The following DIAPH2 variants were observed in gnomAD, a reference collection of about 807,000 sequenced individuals.
DIAPH2 encodes the protein protein diaphanous homolog 2.
DIAPH2 carries 35 observed loss-of-function variants against 92.7 expected under a neutral mutation model. The observed-to-expected ratio is 0.38, with a 90% CI of 0.29 to 0.50. The LOEUF (loss-of-function observed/expected upper bound fraction) is 0.50. Among genes scored for constraint, DIAPH2 ranks in the 20% least tolerant of loss-of-function variants. The pLI is 0.94. For synonymous variants in DIAPH2, 301 were observed against 280.4 expected (o/e 1.07, Z -0.73); for missense variants, 701 against 819.5 (o/e 0.86, Z 1.77).
intron 17 of DIAPH2, among the ~76,000 whole-genome samples, chrX:97,023,972 AT>A (rs1423882537): frequency 4.5e-5 from 5 of 112,122 alleles, no homozygotes; most frequent in Non-Finnish European, 9.4e-5. Flanking sequence ...ATCAACAGGC[AT>A]TCAAAAATAT....
intron 22 of DIAPH2, among the ~76,000 whole-genome samples, chrX:97,160,739 TA>T (rs2147438700): frequency 8.9e-6 from 1 of 111,932 alleles, no homozygotes; most frequent in South Asian, 3.7e-4. Flanking sequence ...TAGCCATTTT[TA>T]GGTATGCTAG....
chrX:97,555,659 A>G (rs2071252112), intron 26 of DIAPH2, among the ~76,000 whole-genome samples: 1 of 112,040 alleles, frequency 8.9e-6, no homozygotes. Flanking sequence ...GAACTTTTAA[A>G]TGAAAAGAAT....
At chrX:97,132,647 A>G (rs2067145552) in intron 21 of DIAPH2, among the ~76,000 whole-genome samples, 1 of 111,670 alleles carries the variant, frequency 9.0e-6, no homozygotes, top group African/African-American at 3.3e-5. Flanking sequence ...TGTGCACTGG[A>G]GCATTCATGA....
intron 23 of DIAPH2, among the ~76,000 whole-genome samples, chrX:97,334,371 G>C (rs1213101502): frequency 4.5e-3 from 394 of 88,337 alleles, no homozygotes; most frequent in Middle Eastern, 5.4e-3. Context: ...GCTGAGGCAG[G>C]AGAATGGCGT....
intron 17 of DIAPH2, among the ~76,000 whole-genome samples, chrX:96,979,664 C>T (rs1410667597): frequency 8.9e-6 from 1 of 112,210 alleles, no homozygotes; most frequent in African/African-American, 3.2e-5. Context: ...CTATTGTTTT[C>T]TCGCATGTAC....
intron 17 of DIAPH2, among the ~76,000 whole-genome samples, chrX:97,071,919 A>G (rs1478855193): frequency 1.8e-5 from 2 of 112,119 alleles, no homozygotes; most frequent in Non-Finnish European, 3.8e-5. Context: ...ATGGTCATAT[A>G]TGAACCAGTG....
chrX:97,483,085 AG>A lies in DIAPH2; in HGVS notation c.3241+53341del, dbSNP rs778325935. ...TGGTGGAAATAATCTGATTTTTAAC[AG>A]ACTCTGTCCTTTGGGAGTACCTTTT... On this transcript the variant is annotated intron_variant, in intron 26 of 26. Transcript: ENST00000324765. Among the ~76,000 whole-genome samples, 3 of 111,510 alleles carry A rather than the reference AG, an allele frequency of 2.7e-5. No homozygotes were observed. In the East Asian group the frequency reaches 8.4e-4, roughly 31 times the overall value.
At chrX:97,248,949 G>A (rs897253853) in intron 23 of DIAPH2, among the ~76,000 whole-genome samples, 2 of 111,513 alleles carry the variant, frequency 1.8e-5, no homozygotes, top group Non-Finnish European at 3.8e-5. Flanking sequence ...ACAAATATTG[G>A]CAAAATAAGT....
intron 17 of DIAPH2, among the ~76,000 whole-genome samples, chrX:97,063,364 C>T (rs927965134): frequency 1.8e-5 from 2 of 112,021 alleles, no homozygotes; most frequent in African/African-American, 3.2e-5. Context: ...TTTTACAGAA[C>T]TTGCTCTTCA....
intron 24 of DIAPH2, among the ~76,000 whole-genome samples, chrX:97,380,984 A>G (rs900080936): frequency 8.9e-6 from 1 of 111,802 alleles, no homozygotes; most frequent in Non-Finnish European, 1.9e-5. Context: ...TTTCAGATAT[A>G]AACTGATAGA....
chrX:97,084,340 G>A (rs1483270184), intron 19 of DIAPH2, among the ~76,000 whole-genome samples: 1 of 111,630 alleles, frequency 9.0e-6, no homozygotes, highest in Admixed American at 9.5e-5. Flanking sequence ...GCACATTGCT[G>A]GTTACATGAT....
chrX:96,930,192 A>T (rs1051983678), intron 9 of DIAPH2, among the ~76,000 whole-genome samples: 2 of 111,061 alleles, frequency 1.8e-5, no homozygotes, highest in South Asian at 3.7e-4. Context: ...AAATTAATTC[A>T]TCTTAATTAT....
In DIAPH2 at chrX:97,114,963, A is replaced by G; in HGVS notation, c.2587A>G (p.Lys863Glu). The change falls in exon 21 of 27, where the codon AAG becomes GAG. Residue 863 changes from lysine (K) to glutamate (E), a missense_variant and splice_region_variant. Physicochemically the swap from Lys to Glu is moderately conservative, Grantham distance 56 (BLOSUM62 1). This residue lies in a region of DIAPH2 where 536 missense variants were observed against 599.3 expected (regional missense o/e 0.89). Transcript: ENST00000324765. ...GGGATTTAAGATCAACTTCCTTTGT[A>G]AGGTAAGATGACATTTTATAATGCT... is the stretch of plus-strand genomic sequence containing the variant. The part of the protein sequence containing the change: ...SLGFKINFLC[K>E]IRDTKSADQK... The G allele has an allele frequency of 8.5e-7, 1 of 1,172,155 alleles. No homozygotes were observed. The highest frequency in any genetic ancestry group is 1.1e-6 in the Non-Finnish European group (1 of 875,428).
intron 22 of DIAPH2, among the ~76,000 whole-genome samples, chrX:97,229,100 A>AT (rs940838851): frequency 6.3e-5 from 7 of 111,538 alleles, no homozygotes; most frequent in Admixed American, 9.5e-5. Context: ...GATTGTGACT[A>AT]TTTTTTATAT....
chrX:96,926,449 T>G (rs1442526430), intron 9 of DIAPH2, among the ~76,000 whole-genome samples: 2 of 111,864 alleles, frequency 1.8e-5, no homozygotes, highest in Admixed American at 1.9e-4. Flanking sequence ...CATATACAGA[T>G]GAGCTTTGCC....
rs34606543 is a variant in DIAPH2, at chrX:97,601,692, G to T, written c.*2375G>T. ...GCACCATTTATGCAGATTTTCTTCA[G>T]AATATTTTTAAAAGGTACAGAATCC... is the stretch of plus-strand genomic sequence containing the variant. On this transcript the variant is annotated 3_prime_UTR_variant, in exon 27 of 27. Transcript: ENST00000324765. 1 of 112,194 alleles carries T rather than the reference G, an allele frequency of 8.9e-6. No individual in the cohort carries two copies. The highest frequency in any genetic ancestry group is 1.9e-5 in the Non-Finnish European group (1 of 53,288). 9.2% of individuals were successfully genotyped at this position (112,194 alleles called of 1,213,427 possible).
chrX:97,292,354 G>T lies in DIAPH2; in HGVS notation c.2844+44515G>T, dbSNP rs145665823. ...AGTATTTAGTAGATTTTATTAAATT[G>T]TAACTGAAGTTATTGTCTACTGTGT... On this transcript the variant is annotated intron_variant, in intron 23 of 26. Coordinates refer to ENST00000324765, the MANE Select transcript of DIAPH2 (RefSeq NM_006729.5). Among the ~76,000 whole-genome samples, 490 of 111,179 alleles carry T rather than the reference G, an allele frequency of 4.4e-3. 2 individuals are homozygous for T. The highest frequency in any genetic ancestry group is 0.012 in the Admixed American group (120 of 10,331).
intron 11 of DIAPH2, 91 bp downstream of exon 11, chrX:96,937,442 C>A: frequency 2.1e-6 from 1 of 477,495 alleles, no homozygotes; most frequent in Admixed American, 3.4e-5. Context: ...GAGTTCTTGT[C>A]TGCCCTCCCA....
intron 4 of DIAPH2, among the ~76,000 whole-genome samples, chrX:96,876,168 A>G (rs1251239769): frequency 3.6e-5 from 4 of 112,117 alleles, no homozygotes; most frequent in African/African-American, 1.3e-4. Context: ...AATGCTCACC[A>G]TCACTGGCCA....
Sources: gnomAD v4.1 joint callset for allele counts (sites outside exome capture counted in the v4.1 genomes callset) on GRCh38, gnomAD v4.1.1 for gene constraint, gnomAD v4.1.1 regional missense constraint, MANE v1.5 for transcripts, NCBI Gene and HGNC (gene_info 2026-07-23, HGNC 2026-07-21) for gene names.